Variants in POLQ observed in about 807,000 individuals in gnomAD.
POLQ encodes the protein epididymis secretory sperm binding protein.
In POLQ, 233 loss-of-function variants were observed where a neutral mutation model predicts 259.2. The ratio of observed to expected loss-of-function variants is 0.90; its 90% confidence interval spans 0.81 to 1.00. The LOEUF (loss-of-function observed/expected upper bound fraction) is 1.00, where lower values mean the gene tolerates loss of function less well. POLQ is among the 50% of genes least tolerant of loss of function. POLQ has a pLI of 0.00. For missense variants in POLQ, 2,871 were observed against 3,051.6 expected (o/e 0.94, Z 1.39); for synonymous variants, 1,025 against 1,048.8 (o/e 0.98, Z 0.44).
intron 9 of POLQ, among the ~76,000 whole-genome samples, chr3:121,517,542 G>A (rs1222154981): frequency 6.6e-6 from 1 of 152,182 alleles, no homozygotes; most frequent in Admixed American, 6.5e-5. Flanking sequence ...CCAAGCTAAA[G>A]ATTATATTTC....
At chr3:121,520,595 T>C (rs571887294) in intron 8 of POLQ, among the ~76,000 whole-genome samples, 20 of 152,284 alleles carry the variant, frequency 1.3e-4, no homozygotes, top group African/African-American at 4.6e-4. Flanking sequence ...CCTTATTTTC[T>C]AGACCAGGGG....
rs1296434336 is a variant in POLQ, at chr3:121,537,150, C to T, written c.690G>A (p.Leu230=). The T allele has an allele frequency of 1.2e-6, 2 of 1,607,870 alleles. No individual in the cohort carries two copies. The highest frequency in any genetic ancestry group is 1.7e-6 in the Non-Finnish European group (2 of 1,174,512). ...MLGDSHRGYL[L]ELLLTKICYI... is the part of the protein sequence containing the mutation. ...AGCAAATCTTGGTCAGCAAAAGTTC[C>T]AGCAGATACCCTCGGTGAGAGTCTC... is the stretch of plus-strand genomic sequence containing the variant. The change falls in exon 5 of 30, where the codon CTG becomes CTA. Residue 230 remains leucine, a synonymous_variant. Coordinates refer to ENST00000264233, the MANE Select transcript of POLQ (RefSeq NM_199420.4).
intron 6 of POLQ, among the ~76,000 whole-genome samples, chr3:121,530,971 T>C (rs1427033678): frequency 2.0e-5 from 3 of 152,106 alleles, no homozygotes; most frequent in African/African-American, 7.2e-5. Context: ...GGCCGAGGCC[T>C]GAGGTCAGGA....
chr3:121,514,717 CA>C (rs762001016), intron 9 of POLQ, among the ~76,000 whole-genome samples: 4 of 152,110 alleles, frequency 2.6e-5, no homozygotes, highest in Non-Finnish European at 4.4e-5. Flanking sequence ...CGGCAACCAG[CA>C]TGCAGATCTT....
chr3:121,511,449 A>G (rs2048254727), intron 10 of POLQ, among the ~76,000 whole-genome samples: 1 of 152,052 alleles, frequency 6.6e-6, no homozygotes, highest in African/African-American at 2.4e-5. Flanking sequence ...GAAATTTTGG[A>G]TAACACAGCG....
intron 26 of POLQ, among the ~76,000 whole-genome samples, chr3:121,443,921 C>G (rs1404478066): frequency 6.6e-6 from 1 of 152,024 alleles, no homozygotes; most frequent in Admixed American, 6.6e-5. Context: ...TTTCTGGGTT[C>G]TCTATTCTGT....
intron 18 of POLQ, among the ~76,000 whole-genome samples, chr3:121,482,076 T>G (rs2047975902): frequency 6.6e-6 from 1 of 152,188 alleles, no homozygotes; most frequent in Admixed American, 6.5e-5. Context: ...AGTTTAGCAG[T>G]AGGCTTGAAA....
chr3:121,525,868 A>G (rs938015140), intron 7 of POLQ, among the ~76,000 whole-genome samples: 4 of 152,132 alleles, frequency 2.6e-5, no homozygotes, highest in African/African-American at 9.7e-5. Flanking sequence ...TCCAAGATTC[A>G]TATCTTGAAA....
chr3:121,529,628 T>C lies in POLQ; in HGVS notation c.1108+17A>G, dbSNP rs976565300. 3.7e-6 allele frequency: 6 copies of C among 1,610,216 alleles called. No individual in the cohort carries two copies. Among genetic ancestry groups the C allele is most frequent in the Non-Finnish European group, 5.1e-6 (6 of 1,177,966 alleles). ...ATGTACTAAGCATGAAGGCTTTCCT[T>C]TCCATCCATAACTCACCCTCAGCTT... On this transcript the variant is annotated intron_variant, in intron 7 of 29. Coordinates refer to ENST00000264233, the MANE Select transcript of POLQ (RefSeq NM_199420.4).
chr3:121,473,963 G>C (rs536930518), intron 20 of POLQ, among the ~76,000 whole-genome samples: 7 of 152,176 alleles, frequency 4.6e-5, no homozygotes, highest in Non-Finnish European at 8.8e-5. Context: ...CTAAGCTCAA[G>C]CAACCCACCT....
At chr3:121,477,885 C>G (rs1339397698) in intron 19 of POLQ, among the ~76,000 whole-genome samples, 1 of 152,180 alleles carries the variant, frequency 6.6e-6, no homozygotes, top group Non-Finnish European at 1.5e-5. Context: ...ATGAGAGTTA[C>G]TGGCCTCTAA....
chr3:121,437,324 C>T (rs915356194), intron 27 of POLQ, among the ~76,000 whole-genome samples: 4 of 151,910 alleles, frequency 2.6e-5, no homozygotes, highest in African/African-American at 9.7e-5. Context: ...TAACAGGTTC[C>T]TACAAATTGA....
In POLQ at chr3:121,459,899, A is replaced by C. The variant is rs1576404808; in HGVS notation, c.7152+151T>G. Reference sequence around the variant, plus strand: ...TGCCTCCACAAAAGAAAATATAATGAATACCATGAGATAAGCTCAGATGAA... The same window carrying C: ...TGCCTCCACAAAAGAAAATATAATGCATACCATGAGATAAGCTCAGATGAA... On this transcript the variant is annotated intron_variant, in intron 25 of 29. Transcript: ENST00000264233. 4.8e-6 allele frequency: 3 copies of C among 628,836 alleles called. No homozygotes were observed. In the East Asian group the frequency reaches 8.1e-5, roughly 17 times the overall value. The allele number at this position is 628,836 out of a possible 1,614,324, so 39.0% of individuals were successfully genotyped here.
chr3:121,439,900 T>A (rs2047575567), intron 27 of POLQ, 92 bp downstream of exon 27: 4 of 1,117,458 alleles, frequency 3.6e-6, no homozygotes, highest in African/African-American at 1.5e-5. Context: ...ATGCCAGTAA[T>A]CCCTAAAACG....
chr3:121,481,300 T>G (rs1302684539), intron 19 of POLQ, among the ~76,000 whole-genome samples: 1 of 152,232 alleles, frequency 6.6e-6, no homozygotes, highest in Non-Finnish European at 1.5e-5. Flanking sequence ...TAGATGCATG[T>G]TTTTGTAAAG....
At chr3:121,475,886 G>T (rs546870976) in intron 20 of POLQ, among the ~76,000 whole-genome samples, 2 of 152,038 alleles carry the variant, frequency 1.3e-5, no homozygotes, top group South Asian at 4.1e-4. Context: ...AGTTCCCTAT[G>T]TAATTTTATG....
Position 121,460,232 on chromosome 3 carries a change from C to G in POLQ, c.6970G>C (p.Gly2324Arg). The G allele has an allele frequency of 6.2e-7, 1 of 1,608,476 alleles. No individual in the cohort carries two copies. The change falls in exon 25 of 30, where the codon GGT (glycine) becomes CGT (arginine). Residue 2324 changes from glycine to arginine, a missense_variant and splice_region_variant. By Grantham distance (125) the Gly-to-Arg change is moderately radical (BLOSUM62 -2). Coordinates refer to ENST00000264233, the MANE Select transcript of POLQ (RefSeq NM_199420.4). ...MRHAFVPFPGGSILAADYSQL... is the reference protein window; with the variant it reads ...MRHAFVPFPGRSILAADYSQL... ...GAGTAGTCAGCAGCCAGTATTGAAC[C>G]ACCTGAAGTAGAAGTGATTTCAGAA...
At chr3:121,516,364 T>A (rs371331804) in intron 9 of POLQ, among the ~76,000 whole-genome samples, 1 of 152,152 alleles carries the variant, frequency 6.6e-6, no homozygotes. Flanking sequence ...ATAAATTACC[T>A]AGAAAATGAA....
At chr3:121,534,416 A>G (rs2048436238) in intron 5 of POLQ, among the ~76,000 whole-genome samples, 1 of 150,052 alleles carries the variant, frequency 6.7e-6, no homozygotes, top group African/African-American at 2.5e-5. Context: ...GGCAACCTCT[A>G]CCTCCAGGGT....
Sources: gnomAD v4.1 joint callset for allele counts (sites outside exome capture counted in the v4.1 genomes callset) on GRCh38, gnomAD v4.1.1 for gene constraint, MANE v1.5 for transcripts, NCBI Gene and HGNC (gene_info 2026-07-23, HGNC 2026-07-21) for gene names.